Variants in FOXP1 observed in about 807,000 individuals in gnomAD.
The protein encoded by FOXP1 is forkhead box protein P1.
Under a neutral mutation model 98.2 loss-of-function variants are expected in FOXP1, and 15 were observed. The ratio of observed to expected loss-of-function variants is 0.15; its 90% CI spans 0.10 to 0.24. The LOEUF is 0.24. Ranked by LOEUF, FOXP1 falls within the 10% of genes least tolerant of loss-of-function variation. The pLI, the probability that FOXP1 is intolerant of heterozygous loss-of-function variation, is 1.00. For missense variants in FOXP1, 633 were observed against 848.5 expected (o/e 0.75, Z 3.15); for synonymous variants, 371 against 314.5 (o/e 1.18, Z -1.90).
intron 11 of FOXP1, among the ~76,000 whole-genome samples, chr3:71,026,936 T>G (rs996263326): frequency 1.3e-5 from 2 of 152,056 alleles, no homozygotes; most frequent in African/African-American, 2.4e-5. Context: ...AAGGAATAAA[T>G]AAAGGAAAAG....
intron 4 of FOXP1, among the ~76,000 whole-genome samples, chr3:71,339,236 C>T (rs2076869825): frequency 6.6e-6 from 1 of 152,224 alleles, no homozygotes; most frequent in Admixed American, 6.5e-5. Context: ...ACACAAGTAT[C>T]ATAAAAATTA....
chr3:71,176,881 G>A (rs1054052475), intron 6 of FOXP1, among the ~76,000 whole-genome samples: 12 of 151,732 alleles, frequency 7.9e-5, no homozygotes, highest in African/African-American at 2.7e-4. Flanking sequence ...GGCCAACATC[G>A]TGAAACCCCA....
chr3:71,445,987 CTA>C (rs2086379307), intron 3 of FOXP1, among the ~76,000 whole-genome samples: 1 of 152,172 alleles, frequency 6.6e-6, no homozygotes, highest in Non-Finnish European at 1.5e-5. Flanking sequence ...CGTGCCCGGC[CTA>C]TGTGTGTCTT....
chr3:71,260,591 G>A (rs1260418818), intron 5 of FOXP1, among the ~76,000 whole-genome samples: 1 of 148,302 alleles, frequency 6.7e-6, no homozygotes, highest in African/African-American at 2.5e-5. Flanking sequence ...CGCCCAGGCT[G>A]GAGTGCAACG....
chr3:71,238,278 T>C (rs761848433), intron 5 of FOXP1, among the ~76,000 whole-genome samples: 10 of 152,220 alleles, frequency 6.6e-5, no homozygotes, highest in Non-Finnish European at 1.3e-4. Context: ...TCCGAGTGAA[T>C]GTCTGCTTCC....
chr3:71,242,570 T>C (rs530137636), intron 5 of FOXP1, among the ~76,000 whole-genome samples: 10 of 152,356 alleles, frequency 6.6e-5, no homozygotes, highest in Non-Finnish European at 1.3e-4. Flanking sequence ...CTTTTTGTTA[T>C]AACCATTTAA....
intron 2 of FOXP1, among the ~76,000 whole-genome samples, chr3:71,560,850 G>A (rs138547649): frequency 3.9e-5 from 6 of 152,246 alleles, no homozygotes; most frequent in Middle Eastern, 3.4e-3. Context: ...TCCAGAATAG[G>A]CAAACCTATA....
At chr3:71,295,371 C>T (rs2107527769) in intron 5 of FOXP1, among the ~76,000 whole-genome samples, 1 of 152,198 alleles carries the variant, frequency 6.6e-6, no homozygotes, top group East Asian at 1.9e-4. Context: ...AACTGAATAG[C>T]ATTTTAGCTT....
intron 20 of FOXP1, 93 bp from the exon 21 acceptor site, chr3:70,959,484 CT>C: frequency 7.3e-7 from 1 of 1,367,600 alleles, no homozygotes; most frequent in Non-Finnish European, 1.0e-6. Context: ...AAAAGCCGCA[CT>C]CTAGAACTAG....
At chr3:71,483,642 C>T (rs1163144359) in intron 3 of FOXP1, among the ~76,000 whole-genome samples, 1 of 152,050 alleles carries the variant, frequency 6.6e-6, no homozygotes, top group Non-Finnish European at 1.5e-5. Context: ...ATTTACATAC[C>T]ATCCATGGCT....
At chr3:70,961,850 C>T (rs899655294) in intron 20 of FOXP1, among the ~76,000 whole-genome samples, 2 of 152,028 alleles carry the variant, frequency 1.3e-5, no homozygotes, top group African/African-American at 4.8e-5. Flanking sequence ...CACTTGAGCC[C>T]AGGAGTTCGA....
chr3:71,159,104 CAAAA>C (rs34653634), intron 6 of FOXP1, among the ~76,000 whole-genome samples: 14 of 77,986 alleles, frequency 1.8e-4, no homozygotes, highest in African/African-American at 2.8e-4. Flanking sequence ...AACCCTATCT[CAAAA>C]AAAAAAAAAA....
At chr3:71,442,878 CTTTT>C (rs748276824) in intron 3 of FOXP1, among the ~76,000 whole-genome samples, 176 of 140,128 alleles carry the variant, frequency 1.3e-3, no homozygotes, top group Admixed American at 2.1e-3. Flanking sequence ...TTATTTAAAT[CTTTT>C]TTTATTTTTT....
In FOXP1 at chr3:70,966,026, A is replaced by G; in HGVS notation, c.1753T>C (p.Tyr585His). The G allele has an allele frequency of 6.2e-7, 1 of 1,614,182 alleles. No individual in the cohort carries two copies. The highest frequency in any genetic ancestry group is 8.5e-7 in the Non-Finnish European group (1 of 1,180,016). ...ASMAENSIPLYTTASMGNPTL... is the reference protein window; with the variant it reads ...ASMAENSIPLHTTASMGNPTL... ...GGATTTCCCATGGAAGCGGTAGTGT[A>G]TAGAGGTATACTATTCTCAGCCATT... is the stretch of plus-strand genomic sequence containing the variant. The change falls in exon 20 of 21, where the codon TAC becomes CAC. Residue 585 changes from tyrosine (Y) to histidine (H), a missense_variant. Transcript: ENST00000649528.
At chr3:71,276,305 A>G (rs1010941728) in intron 5 of FOXP1, 6 of 152,170 alleles carry the variant, frequency 3.9e-5, no homozygotes, top group Non-Finnish European at 5.9e-5. Context: ...TTCAAAAGGT[A>G]GTCTGTGAGC....
intron 2 of FOXP1, among the ~76,000 whole-genome samples, chr3:71,569,526 A>T (rs749030800): frequency 1.3e-5 from 2 of 152,206 alleles, no homozygotes; most frequent in Non-Finnish European, 1.5e-5. Context: ...CAGTTGTATT[A>T]TACTGGAAAA....
At chr3:71,290,752 C>A (rs1215637823) in intron 5 of FOXP1, among the ~76,000 whole-genome samples, 2 of 152,176 alleles carry the variant, frequency 1.3e-5, no homozygotes, top group African/African-American at 2.4e-5. Context: ...AAATCCAAAA[C>A]TTTTTGAGCA....
At chr3:71,461,448 C>T (rs1001687112) in intron 3 of FOXP1, among the ~76,000 whole-genome samples, 1 of 152,070 alleles carries the variant, frequency 6.6e-6, no homozygotes, top group Non-Finnish European at 1.5e-5. Flanking sequence ...GAGCCATGAT[C>T]GTATCACTGT....
chr3:71,112,714 A>C (rs2058043146), intron 6 of FOXP1, 77 bp from the exon 7 acceptor site: 2 of 1,110,204 alleles, frequency 1.8e-6, no homozygotes, highest in Non-Finnish European at 2.8e-6. Context: ...GATTCCAGGA[A>C]GTGCGCTTTG....
Sources: gnomAD v4.1 joint callset for allele counts (sites outside exome capture counted in the v4.1 genomes callset) on GRCh38, gnomAD v4.1.1 for gene constraint, MANE v1.5 for transcripts, NCBI Gene and HGNC (gene_info 2026-07-23, HGNC 2026-07-21) for gene names.